The following TRHDE variants were observed in gnomAD, a reference collection of about 807,000 sequenced individuals.
The protein encoded by TRHDE is thyrotropin releasing hormone degrading enzyme, also known as thyrotropin-releasing hormone-degrading ectoenzyme.
A neutral mutation model predicts 125.7 loss-of-function variants in TRHDE; 72 were observed. The ratio of observed to expected loss-of-function variants is 0.57; its 90% CI spans 0.47 to 0.70. The LOEUF (loss-of-function observed/expected upper bound fraction) is 0.70, where lower values mean the gene tolerates loss of function less well. Ranked by LOEUF, TRHDE falls within the 30% of genes least tolerant of loss-of-function variation. The probability of loss-of-function intolerance (pLI) is 0.00; values close to 1 mark genes in which losing one functional copy is unlikely to be tolerated. For missense variants in TRHDE, 1,110 were observed against 1,327.1 expected, an observed-to-expected ratio of 0.84 and a Z score of 2.54; for synonymous variants, 509 against 509.1, an observed-to-expected ratio of 1.00 and a Z score of 0.00.
At chr12:72,505,065 TA>T (rs1260422302) in intron 6 of TRHDE, among the ~76,000 whole-genome samples, 3 of 152,064 alleles carry the variant, frequency 2.0e-5, no homozygotes, top group East Asian at 1.9e-4. Flanking sequence ...CAGAAGATTA[TA>T]AAAAAATAAA....
chr12:72,108,744 G>A (rs944802679), intron 2 of TRHDE, among the ~76,000 whole-genome samples: 3 of 151,976 alleles, frequency 2.0e-5, no homozygotes, highest in Admixed American at 1.3e-4. Flanking sequence ...GAAAGAATAC[G>A]GGAACATAAA....
chr12:72,277,684 TA>T (rs1017735751), intron 1 of TRHDE, among the ~76,000 whole-genome samples: 4 of 150,910 alleles, frequency 2.7e-5, no homozygotes, highest in African/African-American at 7.3e-5. Context: ...CAATGTTTAC[TA>T]AAAAAAAAGC....
chr12:72,220,003 A>G (rs951200524), intron 2 of TRHDE, among the ~76,000 whole-genome samples: 2 of 152,218 alleles, frequency 1.3e-5, no homozygotes, highest in South Asian at 2.1e-4. Context: ...TGAAAGAAGC[A>G]TGGAGTAAGC....
chr12:72,497,142 G>C (rs368595154), intron 5 of TRHDE, among the ~76,000 whole-genome samples: 3 of 151,676 alleles, frequency 2.0e-5, no homozygotes, highest in African/African-American at 7.3e-5. Flanking sequence ...CAGATAAATC[G>C]TTTGCTAATG....
intron 7 of TRHDE, among the ~76,000 whole-genome samples, chr12:72,545,089 C>A: frequency 6.6e-6 from 1 of 151,378 alleles, no homozygotes; most frequent in East Asian, 1.9e-4. Flanking sequence ...GTGATACCAC[C>A]AGCAAATTAG....
chr12:72,113,757 T>C (rs1313185184), intron 2 of TRHDE, among the ~76,000 whole-genome samples: 2 of 152,048 alleles, frequency 1.3e-5, no homozygotes, highest in Admixed American at 6.6e-5. Context: ...AAACCAAATA[T>C]ATATTTCTTA....
intron 3 of TRHDE, among the ~76,000 whole-genome samples, chr12:72,445,708 C>G (rs1050265477): frequency 1.3e-5 from 2 of 151,954 alleles, no homozygotes; most frequent in Admixed American, 1.3e-4. Flanking sequence ...TCAGACATTA[C>G]AAATGGACAA....
intron 5 of TRHDE, among the ~76,000 whole-genome samples, chr12:72,479,768 C>T (rs564126890): frequency 1.3e-5 from 2 of 149,838 alleles, no homozygotes; most frequent in South Asian, 2.1e-4. Context: ...CCCATTAACT[C>T]GTCATTTAGC....
chr12:72,622,655 C>T (rs931506220), intron 15 of TRHDE, among the ~76,000 whole-genome samples: 1 of 152,034 alleles, frequency 6.6e-6, no homozygotes, highest in East Asian at 1.9e-4. Flanking sequence ...GACACTTGTA[C>T]TGGTTAAACT....
chr12:72,272,634 A>G lies in TRHDE; in HGVS notation c.-10A>G. The G allele has an allele frequency of 3.1e-6, 3 of 954,582 alleles. No individual in the cohort carries two copies. The highest frequency in any genetic ancestry group is 4.4e-6 in the Non-Finnish European group (3 of 675,294). The allele number at this position is 954,582 out of a possible 1,614,324, so 59.1% of individuals were successfully genotyped here. A position where few individuals can be genotyped will look rare whatever the true frequency, so the allele number is the denominator to read the frequency against. ...CCAGAGGGGGCGGGGGAGGAGGAGG[A>G]GGCGGTGTGATGGCCCTGGACGGCG... On this transcript the variant is annotated 5_prime_UTR_variant, in exon 1 of 19. Transcript: ENST00000261180. The surrounding 1 kb of genome is among the most constrained non-coding windows in gnomAD (Gnocchi z 6.7).
At chr12:72,551,872 G>A (rs548989034) in intron 7 of TRHDE, among the ~76,000 whole-genome samples, 91 of 152,238 alleles carry the variant, frequency 6.0e-4, no homozygotes, top group African/African-American at 2.1e-3. Context: ...CGGGTGTTTA[G>A]GGAATCCTTC....
At chr12:72,312,552 T>A (rs1021057874) in intron 2 of TRHDE, among the ~76,000 whole-genome samples, 2 of 152,196 alleles carry the variant, frequency 1.3e-5, no homozygotes, top group African/African-American at 4.8e-5. Flanking sequence ...TCGGTTATTA[T>A]GTAACAATGT....
intron 2 of TRHDE, among the ~76,000 whole-genome samples, chr12:72,124,788 A>G (rs1356685962): frequency 6.6e-6 from 1 of 152,184 alleles, no homozygotes; most frequent in Non-Finnish European, 1.5e-5. Flanking sequence ...ACATGTCTGT[A>G]GTCCCAGCTT....
upstream of TRHDE, among the ~76,000 whole-genome samples, chr12:72,271,119 T>C (rs1196243449): frequency 6.6e-6 from 1 of 152,222 alleles, no homozygotes. Context: ...GTGTTAATCG[T>C]TTCTCCAATC....
In TRHDE at chr12:72,499,690, C is replaced by G. The variant is rs1878068231; in HGVS notation, c.1722+55C>G. On this transcript the variant is annotated intron_variant, in intron 6 of 18. Coordinates refer to ENST00000261180, the MANE Select transcript of TRHDE (RefSeq NM_013381.3). ...ATATTTCATTACCAAGATAGCTAAA[C>G]TAATTCATGTTAGATGTATGTATTT... 2.5e-6 allele frequency: 4 copies of G among 1,587,716 alleles called. No individual in the cohort carries two copies. The East Asian group carries it at 6.8e-5, about 27-fold the overall frequency.
chr12:72,597,814 G>T (rs1872043848), intron 12 of TRHDE, among the ~76,000 whole-genome samples: 2 of 141,990 alleles, frequency 1.4e-5, no homozygotes, highest in South Asian at 4.5e-4. Flanking sequence ...TAGAAACTAT[G>T]AGACTTTTTT....
chr12:72,472,434 A>AT (rs752675243), intron 4 of TRHDE, among the ~76,000 whole-genome samples: 63 of 152,112 alleles, frequency 4.1e-4, no homozygotes, highest in Non-Finnish European at 7.2e-4. Context: ...ATCTTAGAGA[A>AT]TTTTTTTTGG....
intron 1 of TRHDE, among the ~76,000 whole-genome samples, chr12:72,092,726 C>G (rs1159277742): frequency 1.3e-5 from 2 of 152,134 alleles, no homozygotes; most frequent in Admixed American, 6.5e-5. Flanking sequence ...AGTCTTGGTT[C>G]CATCCAAAAT....
At chr12:72,555,652 T>G (rs1432740184) in intron 7 of TRHDE, among the ~76,000 whole-genome samples, 1 of 152,208 alleles carries the variant, frequency 6.6e-6, no homozygotes, top group Non-Finnish European at 1.5e-5. Flanking sequence ...TAGTCTAGCT[T>G]TCTTTGTTTA....
Sources: gnomAD v4.1 joint callset for allele counts (sites outside exome capture counted in the v4.1 genomes callset) on GRCh38, gnomAD v4.1.1 for gene constraint, Gnocchi (gnomAD v3.1) non-coding constraint, MANE v1.5 for transcripts, NCBI Gene and HGNC (gene_info 2026-07-23, HGNC 2026-07-21) for gene names.